NSUN6: variants seen among roughly 807,000 people sequenced by gnomAD.
NSUN6 encodes NOP2/Sun RNA methyltransferase 6.
A neutral mutation model predicts 58.0 loss-of-function variants in NSUN6; 64 were observed. The ratio of observed to expected loss-of-function variants is 1.10; its 90% CI spans 0.90 to 1.36. NSUN6 has a LOEUF of 1.36. Among genes scored for constraint, NSUN6 ranks in the 40% most tolerant of loss-of-function variants. The pLI, the probability that NSUN6 is intolerant of heterozygous loss-of-function variation, is 0.00. For missense variants in NSUN6, 701 were observed against 550.1 expected (o/e 1.27, Z -2.74); for synonymous variants, 231 against 193.9 (o/e 1.19, Z -1.59).
At chr10:18,548,367 T>C (rs2054415385) in intron 9 of NSUN6, 130 bp from the exon 10 acceptor site, 1 of 757,502 alleles carries the variant, frequency 1.3e-6, no homozygotes, top group Admixed American at 3.1e-5. Flanking sequence ...GTGACAAGGA[T>C]TCCTTCTGTA....
chr10:18,602,972 T>C (rs1244373402), intron 6 of NSUN6, among the ~76,000 whole-genome samples: 6 of 152,168 alleles, frequency 3.9e-5, no homozygotes, highest in Admixed American at 6.5e-5. Flanking sequence ...AACCTCTACA[T>C]AAGTCCTAGC....
chr10:18,628,083 G>A (rs1202935652), intron 3 of NSUN6, among the ~76,000 whole-genome samples: 8 of 152,008 alleles, frequency 5.3e-5, no homozygotes, highest in Non-Finnish European at 1.0e-4. Context: ...ACTGCCTCAA[G>A]TGGGTCCCTG....
chr10:18,651,425 A>G lies in NSUN6; in HGVS notation c.-222T>C, dbSNP rs1023096409. ...GCTTCCACCACACCTCATCGAGGCA[A>G]TGTTTTCTGGTAGAGATGCTCATGG... On this transcript the variant is annotated 5_prime_UTR_variant, in exon 1 of 11. Coordinates refer to ENST00000377304, the MANE Select transcript of NSUN6 (RefSeq NM_182543.5). The G allele has an allele frequency of 1.6e-6, 2 of 1,237,866 alleles. No homozygotes were observed. The allele number at this position is 1,237,866 out of a possible 1,614,324, so 76.7% of individuals were successfully genotyped here.
chr10:18,583,127 C>T (rs1214555270), intron 8 of NSUN6, among the ~76,000 whole-genome samples: 1 of 152,162 alleles, frequency 6.6e-6, no homozygotes, highest in African/African-American at 2.4e-5. Context: ...ACTATTGTGA[C>T]GTGTCCCTGC....
chr10:18,559,495 A>G (rs1436371103), intron 8 of NSUN6, among the ~76,000 whole-genome samples: 1 of 151,430 alleles, frequency 6.6e-6, no homozygotes, highest in Non-Finnish European at 1.5e-5. Flanking sequence ...ATGGAATGGA[A>G]TGGAATGGAG....
chr10:18,562,972 A>G (rs566559719), intron 8 of NSUN6, among the ~76,000 whole-genome samples: 28 of 151,220 alleles, frequency 1.9e-4, no homozygotes, highest in African/African-American at 6.5e-4. Context: ...TGAAAAATGG[A>G]AAGGAATGGA....
chr10:18,643,718 C>A (rs1408915782), intron 2 of NSUN6, among the ~76,000 whole-genome samples: 1 of 152,066 alleles, frequency 6.6e-6, no homozygotes, highest in South Asian at 2.1e-4. Flanking sequence ...ATTTTGATAG[C>A]CTTACAGTAT....
intron 3 of NSUN6, among the ~76,000 whole-genome samples, chr10:18,626,338 G>A (rs560676854): frequency 3.3e-4 from 50 of 151,694 alleles, no homozygotes; most frequent in African/African-American, 6.8e-4. Flanking sequence ...TCAGGAGCTC[G>A]AGACCAGCCT....
At chr10:18,558,097 A>G (rs1385608051) in intron 8 of NSUN6, among the ~76,000 whole-genome samples, 4 of 150,446 alleles carry the variant, frequency 2.7e-5, no homozygotes, top group Non-Finnish European at 5.9e-5. Context: ...AGAATGGAGA[A>G]TGGAATAGAG....
At chr10:18,573,172 G>C (rs1009107018) in intron 8 of NSUN6, among the ~76,000 whole-genome samples, 2 of 137,468 alleles carry the variant, frequency 1.5e-5, no homozygotes, top group South Asian at 2.3e-4. Context: ...CCATTCCACT[G>C]TCCATTCCAC....
chr10:18,601,218 A>T (rs1053739448), intron 6 of NSUN6, among the ~76,000 whole-genome samples: 1 of 151,846 alleles, frequency 6.6e-6, no homozygotes, highest in African/African-American at 2.4e-5. Context: ...GCTGGCATAG[A>T]TTCCTAGAAT....
intron 2 of NSUN6, among the ~76,000 whole-genome samples, chr10:18,645,344 T>C (rs1242925782): frequency 6.6e-6 from 1 of 152,154 alleles, no homozygotes. Context: ...TAAAATATTG[T>C]ATAAAATTAC....
At chr10:18,563,082 T>C (rs1404266485) in intron 8 of NSUN6, among the ~76,000 whole-genome samples, 1 of 147,714 alleles carries the variant, frequency 6.8e-6, no homozygotes, top group East Asian at 2.0e-4. Flanking sequence ...GAACAGAGAA[T>C]GCAGAATGGA....
intron 8 of NSUN6, among the ~76,000 whole-genome samples, chr10:18,556,200 T>A (rs532755055): frequency 2.1e-5 from 3 of 144,488 alleles, no homozygotes; most frequent in South Asian, 4.4e-4. Context: ...GAATGAAGAA[T>A]GAAGAATGGA....
intron 3 of NSUN6, among the ~76,000 whole-genome samples, chr10:18,634,016 G>A (rs965648732): frequency 5.9e-5 from 9 of 152,140 alleles, no homozygotes; most frequent in African/African-American, 1.7e-4. Context: ...ATGCTCTTTC[G>A]CCCATTCTGG....
intron 3 of NSUN6, among the ~76,000 whole-genome samples, chr10:18,636,939 TA>T (rs199781765): frequency 0.012 from 1,383 of 117,714 alleles, 6 homozygotes; most frequent in Middle Eastern, 0.023. Context: ...AATCAGGAGT[TA>T]AAAAAAAAAA....
intron 3 of NSUN6, among the ~76,000 whole-genome samples, chr10:18,628,333 T>C (rs988754783): frequency 2.0e-5 from 3 of 152,068 alleles, no homozygotes; most frequent in African/African-American, 7.2e-5. Flanking sequence ...CTGGAAACTC[T>C]AAAAAGCAGA....
intron 6 of NSUN6, among the ~76,000 whole-genome samples, chr10:18,601,590 G>T (rs764200410): frequency 1.8e-4 from 27 of 152,304 alleles, no homozygotes; most frequent in African/African-American, 6.5e-4. Context: ...TAGAGCTGAG[G>T]TTCCCTACAT....
At chr10:18,564,692 ATTC>A (rs1184054248) in intron 8 of NSUN6, among the ~76,000 whole-genome samples, 4 of 144,770 alleles carry the variant, frequency 2.8e-5, no homozygotes, top group African/African-American at 1.0e-4. Context: ...ATTCCATTCC[ATTC>A]TTCATTTTAC....
Sources: allele counts gnomAD v4.1 joint callset (sites outside exome capture counted in the v4.1 genomes callset), GRCh38; gene constraint gnomAD v4.1.1; transcripts MANE v1.5; gene names NCBI Gene and HGNC (gene_info 2026-07-23, HGNC 2026-07-21).